The following MGAT4A variants were observed in gnomAD, a reference collection of about 807,000 sequenced individuals.
The protein encoded by MGAT4A is alpha-1,3-mannosyl-glycoprotein 4-beta-N-acetylglucosaminyltransferase A.
A neutral mutation model predicts 74.1 loss-of-function variants in MGAT4A; 33 were observed. The ratio of observed to expected loss-of-function variants is 0.45; its 90% CI spans 0.34 to 0.60. The LOEUF (loss-of-function observed/expected upper bound fraction) is 0.60, where lower values mean the gene tolerates loss of function less well. Among genes scored for constraint, MGAT4A ranks in the 20% least tolerant of loss-of-function variants. The pLI is 0.02. For synonymous variants in MGAT4A, 198 were observed against 210.4 expected, an observed-to-expected ratio of 0.94 and a Z score of 0.51; for missense variants, 479 against 628.3, an observed-to-expected ratio of 0.76 and a Z score of 2.54.
At chr2:98,664,567 G>C (rs1701798305) in intron 4 of MGAT4A, among the ~76,000 whole-genome samples, 1 of 152,168 alleles carries the variant, frequency 6.6e-6, no homozygotes, top group Non-Finnish European at 1.5e-5. Flanking sequence ...TCCACACTGG[G>C]TGTTGCAACC....
At chr2:98,657,476 CCAAA>C (rs1298627466) in intron 6 of MGAT4A, among the ~76,000 whole-genome samples, 1 of 152,100 alleles carries the variant, frequency 6.6e-6, no homozygotes, top group African/African-American at 2.4e-5. Context: ...TTCAGGAAAA[CCAAA>C]CAAATAACAA....
At chr2:98,660,432 A>G (rs1032844286) in intron 5 of MGAT4A, among the ~76,000 whole-genome samples, 6 of 47,462 alleles carry the variant, frequency 1.3e-4, no homozygotes, top group African/African-American at 7.9e-4. Flanking sequence ...ACACACACAC[A>G]CACACACACA....
chr2:98,622,637 T>C lies in MGAT4A; in HGVS notation c.*2929A>G. On this transcript the variant is annotated 3_prime_UTR_variant, in exon 16 of 16. Transcript: ENST00000393487. ...GGGAAAGGATGGCTGCTTCTACTAG[T>C]TGAGTGCAGAACTGGGCAGAAAGGA... is the stretch of plus-strand genomic sequence containing the variant. 1.0e-6 allele frequency: 1 copy of C among 985,504 alleles called. No homozygotes were observed. The highest frequency in any genetic ancestry group is 1.2e-6 in the Non-Finnish European group (1 of 830,046). 61.0% of individuals were successfully genotyped at this position (985,504 alleles called of 1,614,324 possible). A position where few individuals can be genotyped will look rare whatever the true frequency, so the allele number is the denominator to read the frequency against.
Position 98,622,023 on chromosome 2 carries a change from C to A in MGAT4A, c.*3543G>T. On this transcript the variant is annotated 3_prime_UTR_variant, in exon 16 of 16. Transcript: ENST00000393487. ...AAGCTTTTCAATCACACTGTCTGTTCTGACTACACAGTATGGTACAGCGCG... is the reference window on the plus strand; with the variant it reads ...AAGCTTTTCAATCACACTGTCTGTTATGACTACACAGTATGGTACAGCGCG... The A allele has an allele frequency of 1.0e-6, 1 of 987,216 alleles. No homozygotes were observed. The highest frequency in any genetic ancestry group is 4.7e-5 in the South Asian group (1 of 21,396). The allele number at this position is 987,216 out of a possible 1,614,324, so 61.2% of individuals were successfully genotyped here. A position where few individuals can be genotyped will look rare whatever the true frequency, so the allele number is the denominator to read the frequency against.
At chr2:98,662,111 G>A (rs943833183) in intron 5 of MGAT4A, among the ~76,000 whole-genome samples, 2 of 152,080 alleles carry the variant, frequency 1.3e-5, no homozygotes, top group Non-Finnish European at 2.9e-5. Context: ...GAACCCAGGC[G>A]GAAAAACAGG....
intron 2 of MGAT4A, among the ~76,000 whole-genome samples, chr2:98,716,220 A>C (rs568216794): frequency 6.6e-6 from 1 of 152,152 alleles, no homozygotes; most frequent in African/African-American, 2.4e-5. Context: ...CAACTTCAGA[A>C]GCTGAGGTGA....
At chr2:98,725,333 GATATATAC>G (rs1702746505) in intron 2 of MGAT4A, among the ~76,000 whole-genome samples, 1 of 151,904 alleles carries the variant, frequency 6.6e-6, no homozygotes, top group South Asian at 2.1e-4. Context: ...TGCACATACA[GATATATAC>G]ATATGCAATA....
chr2:98,693,679 C>CAAA (rs202080554), intron 2 of MGAT4A, among the ~76,000 whole-genome samples: 5 of 101,480 alleles, frequency 4.9e-5, no homozygotes, highest in South Asian at 3.5e-4. Flanking sequence ...GAGCTTCTCT[C>CAAA]AAAAAAAAAA....
chr2:98,723,058 G>T (rs775608338), intron 2 of MGAT4A, among the ~76,000 whole-genome samples: 2 of 152,128 alleles, frequency 1.3e-5, no homozygotes, highest in Non-Finnish European at 2.9e-5. Flanking sequence ...AGTATACCCC[G>T]CTGAAACTGT....
chr2:98,729,828 T>C (rs1702819151), intron 1 of MGAT4A, among the ~76,000 whole-genome samples: 1 of 152,240 alleles, frequency 6.6e-6, no homozygotes, highest in Non-Finnish European at 1.5e-5. Flanking sequence ...TAATCCCTGA[T>C]ATCTGGAATC....
At chr2:98,654,407 A>T (rs1701629220) in intron 8 of MGAT4A, among the ~76,000 whole-genome samples, 1 of 152,150 alleles carries the variant, frequency 6.6e-6, no homozygotes, top group Non-Finnish European at 1.5e-5. Flanking sequence ...TTATATGTAG[A>T]AAAACCTAAA....
At chr2:98,657,189 T>C (rs1231603028) in intron 6 of MGAT4A, among the ~76,000 whole-genome samples, 1 of 152,244 alleles carries the variant, frequency 6.6e-6, no homozygotes, top group Non-Finnish European at 1.5e-5. Flanking sequence ...CAATTTCTTT[T>C]GCATTTGCAT....
rs1365774429 is a variant in MGAT4A at position 98,688,969 on chromosome 2, A to G, written c.95-10498T>C. On this transcript the variant is annotated intron_variant, in intron 2 of 15. Coordinates refer to ENST00000393487, the MANE Select transcript of MGAT4A (RefSeq NM_012214.3). ...ATATCTTAAAACTTTTTGCTATTTTATTGTCCTAAGAATTACTTTACAATT... is the reference window on the plus strand; with the variant it reads ...ATATCTTAAAACTTTTTGCTATTTTGTTGTCCTAAGAATTACTTTACAATT... Among the ~76,000 whole-genome samples, 12 of 152,320 alleles carry G rather than the reference A, an allele frequency of 7.9e-5. No individual in the cohort carries two copies. The East Asian group carries it at 2.3e-3, about 29-fold the overall frequency.
intron 2 of MGAT4A, among the ~76,000 whole-genome samples, chr2:98,680,416 T>A (rs1011374233): frequency 6.6e-6 from 1 of 152,230 alleles, no homozygotes; most frequent in Non-Finnish European, 1.5e-5. Flanking sequence ...AACAGACTTA[T>A]GAAAAATGAA....
At position 98,663,003 on chromosome 2, in the gene MGAT4A, T is replaced by C. The variant is rs372542642; in HGVS notation, c.537+43A>G. The C allele has an allele frequency of 1.4e-5, 19 of 1,366,692 alleles. No individual in the cohort carries two copies. The South Asian group carries it at 2.6e-4, about 19-fold the overall frequency. 84.7% of individuals were successfully genotyped at this position (1,366,692 alleles called of 1,614,324 possible). ...TATTCAATTAGAGTTTCAACTCTTA[T>C]AGGCTATATTTGGTAAAAACATAAC... On this transcript the variant is annotated intron_variant, in intron 5 of 15. Coordinates refer to ENST00000393487, the MANE Select transcript of MGAT4A (RefSeq NM_012214.3).
rs1436731407 is a variant in MGAT4A at position 98,640,142 on chromosome 2, T to A, written c.1107A>T (p.Ser369=). Residue 369 remains serine (S), a synonymous_variant, in exon 11 of 16, where the codon TCA becomes TCT. Transcript: ENST00000393487. ...FQHVGLHSSL[S]GKIQKLTDKD... The stretch of plus-strand genomic sequence containing the variant: ...CAACCGTGAGTTTTTGGATTTTTCC[T>A]GATAGTGATGAGTGCAGACCAACAT... 1 of 1,608,270 alleles carries A rather than the reference T, an allele frequency of 6.2e-7. No individual in the cohort carries two copies. The highest frequency in any genetic ancestry group is 1.7e-5 in the Admixed American group (1 of 58,794).
At chr2:98,697,752 T>C (rs1702297213) in intron 2 of MGAT4A, among the ~76,000 whole-genome samples, 1 of 152,164 alleles carries the variant, frequency 6.6e-6, no homozygotes, top group Non-Finnish European at 1.5e-5. Context: ...GGCATGTTCA[T>C]CCAGTGGGTC....
intron 9 of MGAT4A, among the ~76,000 whole-genome samples, chr2:98,644,931 G>T (rs1401567135): frequency 6.6e-6 from 1 of 152,150 alleles, no homozygotes; most frequent in Non-Finnish European, 1.5e-5. Context: ...ACTGCGCCTG[G>T]CTAACTTTAA....
chr2:98,669,377 G>A lies in MGAT4A; in HGVS notation c.403+5658C>T, dbSNP rs565036126. Among the ~76,000 whole-genome samples the A allele has an allele frequency of 3.2e-4, 48 of 152,242 alleles. No homozygotes were observed. In the South Asian group the frequency reaches 7.9e-3, roughly 25 times the overall value. On this transcript the variant is annotated intron_variant, in intron 4 of 15. Transcript: ENST00000393487. ...TCTCTCTTTGCCTGCTGCCATCCAC[G>A]TAAGATGTGACTTGCTCCTCCTTGC... is the stretch of plus-strand genomic sequence containing the variant.
Sources: gnomAD v4.1 joint callset for allele counts (sites outside exome capture counted in the v4.1 genomes callset) on GRCh38, gnomAD v4.1.1 for gene constraint, MANE v1.5 for transcripts, NCBI Gene and HGNC (gene_info 2026-07-23, HGNC 2026-07-21) for gene names.